Variants in KLF15 observed in about 807,000 individuals in gnomAD.
KLF15 encodes KLF transcription factor 15, also known as Krueppel-like factor 15.
In KLF15, 4 loss-of-function variants were observed where a neutral mutation model predicts 24.6. That is an observed-to-expected ratio of 0.16 (90% CI 0.08 to 0.37). The LOEUF (loss-of-function observed/expected upper bound fraction) is 0.37. Among genes scored for constraint, KLF15 ranks in the 10% least tolerant of loss-of-function variants. The pLI is 1.00. For missense variants in KLF15, 496 were observed against 560.6 expected, an observed-to-expected ratio of 0.88 and a Z score of 1.16; for synonymous variants, 246 against 236.3, an observed-to-expected ratio of 1.04 and a Z score of -0.37.
chr3:126,323,901 A>G, the KLF15 span, among the ~76,000 whole-genome samples: 1 of 151,506 alleles, frequency 6.6e-6, no homozygotes, highest in Non-Finnish European at 1.5e-5. Context: ...ACATGATCTC[A>G]TTCCTTTTTA....
the KLF15 span, among the ~76,000 whole-genome samples, chr3:126,327,226 G>A: frequency 6.6e-6 from 1 of 152,168 alleles, no homozygotes; most frequent in Non-Finnish European, 1.5e-5. Flanking sequence ...ATGGAGTGGG[G>A]CTGGAGCTAA....
chr3:126,289,999 T>A, the KLF15 span, among the ~76,000 whole-genome samples: 1 of 152,210 alleles, frequency 6.6e-6, no homozygotes, highest in African/African-American at 2.4e-5. Context: ...TGGTCAGTTA[T>A]GTGTTCGTCC....
At chr3:126,302,073 T>G in the KLF15 span, among the ~76,000 whole-genome samples, 1 of 152,214 alleles carries the variant, frequency 6.6e-6, no homozygotes, top group Non-Finnish European at 1.5e-5. Context: ...TATTAATATG[T>G]CACATTTTGA....
chr3:126,321,013 G>A, the KLF15 span, among the ~76,000 whole-genome samples: 2 of 152,162 alleles, frequency 1.3e-5, no homozygotes, highest in African/African-American at 4.8e-5. Flanking sequence ...TAGCAAGGAA[G>A]GTGAGGAAGC....
Position 126,352,343 on chromosome 3 carries a change from G to C in KLF15, c.580C>G (p.Pro194Ala). Residue 194 changes from proline to alanine, a missense_variant, in exon 2 of 3, where the codon CCT becomes GCT. Physicochemically the swap from Pro to Ala is conservative, Grantham distance 27. Around this residue, in one of 3 missense-constraint regions of KLF15, gnomAD observed 399 missense variants for 423.1 expected, o/e 0.94. Coordinates refer to ENST00000296233, the MANE Select transcript of KLF15 (RefSeq NM_014079.4). Reference protein sequence around the residue: ...PGSSGRERCSPPPGGASAGGA... With the variant: ...PGSSGRERCSAPPGGASAGGA... ...CCTGCACTGGCACCACCTGGTGGAG[G>C]GGAACAGCGCTCTCTCCCGCTGGAC... 1.3e-6 allele frequency: 2 copies of C among 1,587,936 alleles called. No individual in the cohort carries two copies. Among genetic ancestry groups the C allele is most frequent in the Non-Finnish European group, 1.7e-6 (2 of 1,168,056 alleles).
At chr3:126,294,609 A>G in the KLF15 span, among the ~76,000 whole-genome samples, 2 of 152,206 alleles carry the variant, frequency 1.3e-5, no homozygotes, top group Non-Finnish European at 2.9e-5. Flanking sequence ...TTTTTAACTG[A>G]GCACTTTTCT....
intron 2 of KLF15, among the ~76,000 whole-genome samples, chr3:126,348,381 A>G (rs2082554127): frequency 6.6e-6 from 1 of 152,066 alleles, no homozygotes; most frequent in Non-Finnish European, 1.5e-5. Context: ...CCCATAGCCC[A>G]GAAGCATAAT....
At chr3:126,319,027 A>G in the KLF15 span, among the ~76,000 whole-genome samples, 1 of 152,338 alleles carries the variant, frequency 6.6e-6, no homozygotes, top group African/African-American at 2.4e-5. Context: ...TGCTTTTTCC[A>G]GATTGTCACA....
the KLF15 span, among the ~76,000 whole-genome samples, chr3:126,293,309 CT>C: frequency 6.6e-6 from 1 of 152,062 alleles, no homozygotes; most frequent in African/African-American, 2.4e-5. Flanking sequence ...GAGTGAGGCC[CT>C]GTCTCAAAAA....
the KLF15 span, among the ~76,000 whole-genome samples, chr3:126,320,643 C>T: frequency 1.3e-5 from 2 of 152,198 alleles, no homozygotes; most frequent in Non-Finnish European, 2.9e-5. Flanking sequence ...TACGGGAACC[C>T]TCCAGCAGTA....
the KLF15 span, among the ~76,000 whole-genome samples, chr3:126,315,647 G>A: frequency 2.0e-5 from 3 of 152,202 alleles, no homozygotes; most frequent in East Asian, 1.9e-4. Flanking sequence ...CAACACTGCT[G>A]TCTCCGGCTG....
At chr3:126,323,923 T>A in the KLF15 span, among the ~76,000 whole-genome samples, 1,538 of 151,832 alleles carry the variant, frequency 0.01, 6 homozygotes, top group Non-Finnish European at 0.017. Flanking sequence ...GGCTGCACAG[T>A]ATTCCATGGT....
intron 2 of KLF15, among the ~76,000 whole-genome samples, chr3:126,350,949 T>C (rs1335621453): frequency 3.9e-5 from 6 of 152,236 alleles, no homozygotes; most frequent in Admixed American, 3.9e-4. Context: ...GAGATTCCTT[T>C]GGGATGGGCA....
chr3:126,294,583 G>C, the KLF15 span, among the ~76,000 whole-genome samples: 25 of 152,158 alleles, frequency 1.6e-4, 1 homozygote, highest in Admixed American at 2.6e-4. Flanking sequence ...TCAGTCCAAA[G>C]GGTGGCTCGA....
the KLF15 span, among the ~76,000 whole-genome samples, chr3:126,292,867 G>A: frequency 6.6e-6 from 1 of 152,246 alleles, no homozygotes; most frequent in East Asian, 1.9e-4. Flanking sequence ...GTCCAAGCCA[G>A]GAGAGGACAA....
intron 2 of KLF15, among the ~76,000 whole-genome samples, chr3:126,346,886 G>A (rs2082539300): frequency 6.6e-6 from 1 of 152,204 alleles, no homozygotes; most frequent in Non-Finnish European, 1.5e-5. Flanking sequence ...CAAGCTCCCT[G>A]AGCCTCAGTT....
At position 126,343,613 on chromosome 3, in the gene KLF15, G is replaced by C; in HGVS notation, c.*114C>G. 9.4e-7 allele frequency: 1 copy of C among 1,066,894 alleles called. No individual in the cohort carries two copies. Among genetic ancestry groups the C allele is most frequent in the Non-Finnish European group, 1.4e-6 (1 of 732,696 alleles). The allele number at this position is 1,066,894 out of a possible 1,614,324, so 66.1% of individuals were successfully genotyped here. On this transcript the variant is annotated 3_prime_UTR_variant, in exon 3 of 3. Coordinates refer to ENST00000296233, the MANE Select transcript of KLF15 (RefSeq NM_014079.4). ...GTTCACACCTCCCAGGCTTCAGAAG[G>C]TGGGCTGGTAACATTGCCATGTCCC... is the stretch of plus-strand genomic sequence containing the variant.
chr3:126,316,374 G>A, the KLF15 span, among the ~76,000 whole-genome samples: 1 of 151,334 alleles, frequency 6.6e-6, no homozygotes, highest in Non-Finnish European at 1.5e-5. Context: ...GAGTGGAGAA[G>A]GGAGTCCACC....
the KLF15 span, among the ~76,000 whole-genome samples, chr3:126,306,933 C>T: frequency 4.6e-5 from 7 of 152,348 alleles, no homozygotes; most frequent in African/African-American, 1.7e-4. Flanking sequence ...GTCTCCTTGC[C>T]TTGCTTCAGG....
Sources: allele counts gnomAD v4.1 joint callset (sites outside exome capture counted in the v4.1 genomes callset), GRCh38; gene constraint gnomAD v4.1.1; regional missense constraint gnomAD v4.1.1; transcripts MANE v1.5; gene names NCBI Gene and HGNC (gene_info 2026-07-23, HGNC 2026-07-21).